Variants in CIB4 observed in about 807,000 individuals in gnomAD.
CIB4 encodes the protein calcium and integrin binding family member 4.
Under a neutral mutation model 25.8 loss-of-function variants are expected in CIB4, and 25 were observed. That is an observed-to-expected ratio of 0.97 (90% CI 0.71 to 1.35). The LOEUF (loss-of-function observed/expected upper bound fraction) is 1.35, where lower values mean the gene tolerates loss of function less well. Ranked by LOEUF, CIB4 falls within the 40% of genes most tolerant of loss-of-function variation. The pLI, the probability that CIB4 is intolerant of heterozygous loss-of-function variation, is 0.00. For missense variants in CIB4, 235 were observed against 228.2 expected (o/e 1.03, Z -0.19); for synonymous variants, 75 against 81.4 (o/e 0.92, Z 0.42).
At chr2:26,612,831 G>A (rs375427450) in intron 3 of CIB4, among the ~76,000 whole-genome samples, 5 of 152,196 alleles carry the variant, frequency 3.3e-5, no homozygotes, top group Admixed American at 2.6e-4. Context: ...GGACAAGGGG[G>A]AGGTTCTGCA....
At chr2:26,584,913 G>A (rs2148187449) in intron 4 of CIB4, among the ~76,000 whole-genome samples, 1 of 152,284 alleles carries the variant, frequency 6.6e-6, no homozygotes, top group East Asian at 1.9e-4. Flanking sequence ...TGCAGCCACA[G>A]CCCAGGGCCC....
chr2:26,640,344 G>T (rs1669610934), intron 2 of CIB4, among the ~76,000 whole-genome samples, 189 bp downstream of exon 2: 1 of 152,262 alleles, frequency 6.6e-6, no homozygotes, highest in Non-Finnish European at 1.5e-5. Context: ...TTCAGCTCCA[G>T]TGGGGCTCTG....
chr2:26,589,033 T>TTCCTCTTCC (rs1668516487), intron 4 of CIB4, among the ~76,000 whole-genome samples: 2 of 40,488 alleles, frequency 4.9e-5, no homozygotes, highest in African/African-American at 2.1e-4. Context: ...CTTCTTCTTC[T>TTCCTCTTCC]TCTTCTTCTT....
chr2:26,610,173 A>T (rs552403823), intron 3 of CIB4, among the ~76,000 whole-genome samples: 1 of 152,196 alleles, frequency 6.6e-6, no homozygotes, highest in Non-Finnish European at 1.5e-5. Flanking sequence ...GTTTGGGGAC[A>T]CCCAGCACAG....
intron 3 of CIB4, among the ~76,000 whole-genome samples, chr2:26,624,330 G>A (rs1572567159): frequency 6.6e-6 from 1 of 152,196 alleles, no homozygotes; most frequent in Non-Finnish European, 1.5e-5. Context: ...GCACAGCCGG[G>A]CCCCCACCTC....
intron 3 of CIB4, among the ~76,000 whole-genome samples, chr2:26,613,900 T>G (rs1326320779): frequency 6.6e-6 from 1 of 152,210 alleles, no homozygotes; most frequent in Non-Finnish European, 1.5e-5. Context: ...ATCTCAGCTG[T>G]CCCAGCTGTG....
chr2:26,587,304 CAAAAAAAAAAAA>C (rs71399396), intron 4 of CIB4, among the ~76,000 whole-genome samples: 1 of 61,466 alleles, frequency 1.6e-5, no homozygotes, highest in African/African-American at 7.3e-5. Context: ...GACTCCGTCT[CAAAAAAAAAAAA>C]AAAAAAAAAA....
chr2:26,606,493 C>T (rs995145398), intron 3 of CIB4, among the ~76,000 whole-genome samples: 1 of 152,160 alleles, frequency 6.6e-6, no homozygotes, highest in Non-Finnish European at 1.5e-5. Flanking sequence ...GGACTCCCCC[C>T]TCCTCCCGCG....
At chr2:26,604,178 G>A (rs1190721334) in intron 3 of CIB4, among the ~76,000 whole-genome samples, 1 of 152,022 alleles carries the variant, frequency 6.6e-6, no homozygotes, top group African/African-American at 2.4e-5. Flanking sequence ...CCAGGAGTTC[G>A]AGACCAGTCT....
chr2:26,625,405 T>C (rs1228193201), intron 3 of CIB4, among the ~76,000 whole-genome samples: 1 of 143,218 alleles, frequency 7.0e-6, no homozygotes, highest in East Asian at 2.0e-4. Flanking sequence ...CAGGCTGGAG[T>C]GCAATGGCGC....
At chr2:26,595,758 C>T (rs1668670021) in intron 3 of CIB4, among the ~76,000 whole-genome samples, 1 of 152,214 alleles carries the variant, frequency 6.6e-6, no homozygotes, top group Admixed American at 6.5e-5. Context: ...TGCCCAAGCG[C>T]ATAGCCAGCC....
At chr2:26,620,672 A>G (rs1304322682) in intron 3 of CIB4, among the ~76,000 whole-genome samples, 1 of 152,186 alleles carries the variant, frequency 6.6e-6, no homozygotes, top group East Asian at 1.9e-4. Flanking sequence ...CCCAGTTGAT[A>G]AATCCCACCT....
chr2:26,615,901 A>G (rs1432207762), intron 3 of CIB4, among the ~76,000 whole-genome samples: 1 of 152,240 alleles, frequency 6.6e-6, no homozygotes, highest in Admixed American at 6.5e-5. Context: ...AGTTGTCAGA[A>G]AAAGATCTAA....
At chr2:26,582,942 G>C in intron 5 of CIB4, 29 bp from the exon 6 acceptor site, 1 of 1,513,916 alleles carries the variant, frequency 6.6e-7, no homozygotes, top group South Asian at 1.1e-5. Flanking sequence ...AGACAGTTGA[G>C]TGGAACCCCA....
At chr2:26,613,785 G>C (rs1210760370) in intron 3 of CIB4, among the ~76,000 whole-genome samples, 1 of 152,222 alleles carries the variant, frequency 6.6e-6, no homozygotes, top group Non-Finnish European at 1.5e-5. Context: ...TGAGGGGCTG[G>C]GGCCAGAGCT....
chr2:26,584,004 C>T lies in CIB4; in HGVS notation c.329-106G>A. On this transcript the variant is annotated intron_variant, in intron 4 of 6. Coordinates refer to ENST00000288861, the MANE Select transcript of CIB4 (RefSeq NM_001029881.3). ...AGCACCAGCCAGGACCCCACAGATG[C>T]CCATTAGCCTCTGGGAGGCCCCCCA... The T allele has an allele frequency of 5.7e-6, 4 of 701,738 alleles. No individual in the cohort carries two copies. In the South Asian group the frequency reaches 6.9e-5, roughly 12 times the overall value. The allele number at this position is 701,738 out of a possible 1,614,324, so 43.5% of individuals were successfully genotyped here.
intron 2 of CIB4, among the ~76,000 whole-genome samples, chr2:26,632,038 G>A (rs898406822): frequency 4.6e-5 from 7 of 151,984 alleles, no homozygotes; most frequent in Non-Finnish European, 1.0e-4. Context: ...TTCCCGCCGG[G>A]TTGCTCACAG....
chr2:26,588,738 G>A (rs1052988679), intron 4 of CIB4, among the ~76,000 whole-genome samples: 2 of 152,228 alleles, frequency 1.3e-5, no homozygotes, highest in Admixed American at 1.3e-4. Context: ...CCTGCCAAAG[G>A]TGCTCCGGTA....
chr2:26,619,693 T>C (rs1461143976), intron 3 of CIB4, among the ~76,000 whole-genome samples: 3 of 152,012 alleles, frequency 2.0e-5, no homozygotes, highest in Non-Finnish European at 2.9e-5. Context: ...CCCAGCAGAT[T>C]TGAGGAAGCA....
Sources: allele counts gnomAD v4.1 joint callset (sites outside exome capture counted in the v4.1 genomes callset), GRCh38; gene constraint gnomAD v4.1.1; transcripts MANE v1.5; gene names NCBI Gene and HGNC (gene_info 2026-07-23, HGNC 2026-07-21).